The following KIRREL3 variants were observed in gnomAD, a reference collection of about 807,000 sequenced individuals.
The protein encoded by KIRREL3 is kin of IRRE-like protein 3.
KIRREL3 carries 36 observed loss-of-function variants against 89.7 expected under a neutral mutation model. That is an observed-to-expected ratio of 0.40 (90% CI 0.31 to 0.53). The LOEUF (loss-of-function observed/expected upper bound fraction) is 0.53. Among genes scored for constraint, KIRREL3 ranks in the 20% least tolerant of loss-of-function variants. The pLI is 0.49. For missense variants in KIRREL3, 864 were observed against 1,056.6 expected (o/e 0.82, Z 2.53); for synonymous variants, 445 against 441.4 (o/e 1.01, Z -0.10).
At chr11:126,868,621 T>C (rs1163009779) in intron 1 of KIRREL3, among the ~76,000 whole-genome samples, 2 of 152,194 alleles carry the variant, frequency 1.3e-5, no homozygotes, top group East Asian at 1.9e-4. Flanking sequence ...GAGTGTCATA[T>C]ACTATAAGCC....
At chr11:126,820,309 C>CT (rs1315727425) in intron 1 of KIRREL3, among the ~76,000 whole-genome samples, 7 of 38,464 alleles carry the variant, frequency 1.8e-4, no homozygotes, top group Middle Eastern at 0.012. Context: ...TGTAGCAAGC[C>CT]TTTAAAAAAA....
At chr11:126,923,392 C>CTTA (rs771284364) in intron 1 of KIRREL3, among the ~76,000 whole-genome samples, 1 of 1,186 alleles carries the variant, frequency 8.4e-4, no homozygotes, top group African/African-American at 4.5e-3. Context: ...TCTTCTTCCT[C>CTTA]TTCTTTCTTC....
At chr11:126,503,476 T>G (rs1287455768) in intron 4 of KIRREL3, among the ~76,000 whole-genome samples, 1 of 152,042 alleles carries the variant, frequency 6.6e-6, no homozygotes, top group Admixed American at 6.5e-5. Context: ...AAGTCTCCAG[T>G]GTGGTATAAA....
chr11:126,480,389 C>A (rs1401585485), intron 4 of KIRREL3, among the ~76,000 whole-genome samples: 3 of 152,130 alleles, frequency 2.0e-5, no homozygotes, highest in Non-Finnish European at 2.9e-5. Flanking sequence ...AGTGCTGAGC[C>A]AAGGTCCTCT....
Position 126,608,771 on chromosome 11 carries a change from A to G in KIRREL3, c.56-45859T>C, listed in dbSNP as rs537278202. Among the ~76,000 whole-genome samples, 3 of 152,338 alleles carry G rather than the reference A, an allele frequency of 2.0e-5. No homozygotes were observed. The South Asian group carries it at 6.2e-4, about 32-fold the overall frequency. On this transcript the variant is annotated intron_variant, in intron 1 of 16. Coordinates refer to ENST00000525144, the MANE Select transcript of KIRREL3 (RefSeq NM_032531.4). This position sits in a 1 kb window ranked among gnomAD's most constrained non-coding sequence, Gnocchi z 4.9. ...GCATTGGGCCTGCTGGCAAACTGCTAACTGGCACAGGTGACTTGCATTTCC... is the reference window on the plus strand; with the variant it reads ...GCATTGGGCCTGCTGGCAAACTGCTGACTGGCACAGGTGACTTGCATTTCC...
chr11:126,930,576 C>G (rs1266673753), intron 1 of KIRREL3, among the ~76,000 whole-genome samples: 2 of 152,192 alleles, frequency 1.3e-5, no homozygotes, highest in Non-Finnish European at 2.9e-5. Context: ...ATCTTCTGCC[C>G]TTCCCTGCCA....
rs1385058486 is a variant in KIRREL3 at position 126,527,451 on chromosome 11, T to C, written c.134-764A>G. On this transcript the variant is annotated intron_variant, in intron 2 of 16. Transcript: ENST00000525144. The surrounding 1 kb of genome is among the most constrained non-coding windows in gnomAD (Gnocchi z 4.2). Reference sequence around the variant, plus strand: ...AAACCCATCCACAATGCTTACAAGATGCCATGCTCTGTTTTGAGGCTTTAA... The same window carrying C: ...AAACCCATCCACAATGCTTACAAGACGCCATGCTCTGTTTTGAGGCTTTAA... 6.6e-6 allele frequency among the ~76,000 whole-genome samples: 1 copy of C among 152,228 alleles called. No homozygotes were observed. The highest frequency in any genetic ancestry group is 1.9e-4 in the East Asian group (1 of 5,198).
At chr11:126,539,437 C>T (rs762352086) in intron 2 of KIRREL3, among the ~76,000 whole-genome samples, 4 of 152,038 alleles carry the variant, frequency 2.6e-5, no homozygotes, top group Non-Finnish European at 2.9e-5. Context: ...AGAAATATCA[C>T]GGTGATGACA....
chr11:126,702,732 A>G (rs1947359332), intron 1 of KIRREL3, among the ~76,000 whole-genome samples: 1 of 152,172 alleles, frequency 6.6e-6, no homozygotes, highest in Non-Finnish European at 1.5e-5. Context: ...CTCCTGGTGC[A>G]CCCCGCTGTA....
Position 126,807,907 on chromosome 11 carries a change from CTAA to C in KIRREL3, c.55+192545_55+192547del, listed in dbSNP as rs143838279. Among the ~76,000 whole-genome samples the C allele has an allele frequency of 0.015, 2,259 of 152,318 alleles. 40 individuals are homozygous for C. Among genetic ancestry groups the C allele is most frequent in the African/African-American group, 0.047 (1,958 of 41,552 alleles). On this transcript the variant is annotated intron_variant, in intron 1 of 16. Coordinates refer to ENST00000525144, the MANE Select transcript of KIRREL3 (RefSeq NM_032531.4). This position sits in a 1 kb window ranked among gnomAD's most constrained non-coding sequence, Gnocchi z 4.3. ...ACGAAAGGAAGCTCAAGTTGTGTGA[CTAA>C]TATGCCCAAGGCCATGGGCTGCAAC...
At chr11:126,699,724 A>T (rs1308290347) in intron 1 of KIRREL3, among the ~76,000 whole-genome samples, 1 of 152,200 alleles carries the variant, frequency 6.6e-6, no homozygotes, top group Non-Finnish European at 1.5e-5. Flanking sequence ...ATCAGATGGT[A>T]TAGAGCCAGA....
In KIRREL3 at chr11:126,866,347, C is replaced by G. The variant is rs568267357; in HGVS notation, c.55+134108G>C. Among the ~76,000 whole-genome samples the G allele has an allele frequency of 6.6e-5, 10 of 152,336 alleles. No homozygotes were observed. In the East Asian group the frequency reaches 1.9e-3, roughly 29 times the overall value. ...TCCTACAGCCTGTGTATAGTCTCCT[C>G]ATTCCCAGGTCCTCTCACTTAGATC... is the stretch of plus-strand genomic sequence containing the variant. On this transcript the variant is annotated intron_variant, in intron 1 of 16. Transcript: ENST00000525144.
chr11:126,734,948 C>T lies in KIRREL3; in HGVS notation c.56-172036G>A, dbSNP rs1301903172. Among the ~76,000 whole-genome samples the T allele has an allele frequency of 6.6e-6, 1 of 152,164 alleles. No individual in the cohort carries two copies. The highest frequency in any genetic ancestry group is 2.4e-5 in the African/African-American group (1 of 41,430). ...TCTTCTGGTCCAGCTGTGCCTGGCT[C>T]CGACCAAGGGCAGGGTCAATGTGCA... On this transcript the variant is annotated intron_variant, in intron 1 of 16. Transcript: ENST00000525144. This position sits in a 1 kb window ranked among gnomAD's most constrained non-coding sequence, Gnocchi z 5.9.
intron 1 of KIRREL3, among the ~76,000 whole-genome samples, chr11:126,849,746 G>T (rs531042103): frequency 3.9e-5 from 6 of 152,300 alleles, no homozygotes; most frequent in African/African-American, 9.6e-5. Context: ...AGAAGGTGGA[G>T]ACGGTGTGAA....
At chr11:126,706,104 C>T (rs1947519226) in intron 1 of KIRREL3, among the ~76,000 whole-genome samples, 1 of 152,178 alleles carries the variant, frequency 6.6e-6, no homozygotes, top group Admixed American at 6.5e-5. Flanking sequence ...TGACTGCAGC[C>T]CCCGATGTCA....
At chr11:126,882,052 G>A (rs981336304) in intron 1 of KIRREL3, among the ~76,000 whole-genome samples, 17 of 152,148 alleles carry the variant, frequency 1.1e-4, no homozygotes, top group African/African-American at 3.1e-4. Flanking sequence ...GCCCCTGATT[G>A]GTCAGGTCTT....
chr11:126,774,164 CT>C (rs5795521), intron 1 of KIRREL3, among the ~76,000 whole-genome samples: 47,149 of 136,884 alleles, frequency 0.34, 8,303 homozygotes, highest in East Asian at 0.72. Context: ...GAGAGTAAAG[CT>C]TTTTTTTTTT....
chr11:126,748,133 T>A lies in KIRREL3; in HGVS notation c.56-185221A>T, dbSNP rs969214474. The stretch of plus-strand genomic sequence containing the variant: ...TCACTGAAAAGCTGAATTGTTTTTA[T>A]GTTATTCCCGTTCCAGTGACTTCAG... On this transcript the variant is annotated intron_variant, in intron 1 of 16. Transcript: ENST00000525144. The surrounding 1 kb of genome is among the most constrained non-coding windows in gnomAD (Gnocchi z 4.6). Among the ~76,000 whole-genome samples, 4 of 152,328 alleles carry A rather than the reference T, an allele frequency of 2.6e-5. No individual in the cohort carries two copies. Among genetic ancestry groups the A allele is most frequent in the Admixed American group, 6.5e-5 (1 of 15,308 alleles).
chr11:126,974,310 T>C (rs1167783860), intron 1 of KIRREL3, among the ~76,000 whole-genome samples: 1 of 152,184 alleles, frequency 6.6e-6, no homozygotes, highest in Non-Finnish European at 1.5e-5. Flanking sequence ...ATAACAGTCA[T>C]GCATCACTTA....
Sources: allele counts gnomAD v4.1 joint callset (sites outside exome capture counted in the v4.1 genomes callset), GRCh38; gene constraint gnomAD v4.1.1; non-coding constraint Gnocchi (gnomAD v3.1); transcripts MANE v1.5; gene names NCBI Gene and HGNC (gene_info 2026-07-23, HGNC 2026-07-21).